The following DENND3 variants were observed in gnomAD, a reference collection of about 807,000 sequenced individuals.
DENND3 encodes the protein DENN domain containing 3.
DENND3 carries 88 observed loss-of-function variants against 135.1 expected under a neutral mutation model. That is an observed-to-expected ratio of 0.65 (90% confidence interval 0.55 to 0.78). DENND3 has a LOEUF of 0.78. DENND3 is among the 30% of genes least tolerant of loss of function. The pLI is 0.00. For missense variants in DENND3, 1,392 were observed against 1,688.4 expected (o/e 0.82, Z 3.08); for synonymous variants, 693 against 712.3 (o/e 0.97, Z 0.43).
chr8:141,171,390 T>C (rs985032366), intron 13 of DENND3, among the ~76,000 whole-genome samples: 1 of 152,202 alleles, frequency 6.6e-6, no homozygotes, highest in Non-Finnish European at 1.5e-5. Context: ...GCCCGTGAGG[T>C]GGCCTTCCCC....
rs181309859 is a variant in DENND3 at position 141,170,434 on chromosome 8, C to T, written c.2275+1909C>T. On this transcript the variant is annotated intron_variant, in intron 13 of 22. Coordinates refer to ENST00000519811, the MANE Select transcript of DENND3 (RefSeq NM_001352890.3). Reference sequence around the variant, plus strand: ...ATGTGTGTATATGTGTGCGAGTGTGCGTGTGTGCGCGCGCTGTACCTCTCC... The same window carrying T: ...ATGTGTGTATATGTGTGCGAGTGTGTGTGTGTGCGCGCGCTGTACCTCTCC... Among the ~76,000 whole-genome samples the T allele has an allele frequency of 3.7e-4, 57 of 152,132 alleles. 1 individual carries two copies. Among genetic ancestry groups the T allele is most frequent in the Admixed American group, 3.5e-3 (53 of 15,272 alleles).
chr8:141,163,978 T>G (rs1230574628), intron 10 of DENND3, among the ~76,000 whole-genome samples: 1 of 152,094 alleles, frequency 6.6e-6, no homozygotes, highest in African/African-American at 2.4e-5. Flanking sequence ...TTTGATGGAT[T>G]TTGACAAATG....
chr8:141,188,201 G>A (rs891069274), intron 18 of DENND3: 2 of 152,298 alleles, frequency 1.3e-5, no homozygotes, highest in African/African-American at 4.8e-5. Flanking sequence ...CTCCAGCCTG[G>A]GTGGCAGAGT....
chr8:141,183,829 G>A (rs896504350), intron 17 of DENND3, among the ~76,000 whole-genome samples: 1 of 151,996 alleles, frequency 6.6e-6, no homozygotes. Context: ...GCTGAAGATG[G>A]CAAAAGCTGT....
At chr8:141,180,652 T>G in intron 16 of DENND3, 95 bp from the exon 17 acceptor site, 1 of 1,177,054 alleles carries the variant, frequency 8.5e-7, no homozygotes, top group South Asian at 1.5e-5. Context: ...ACCTGCAAGC[T>G]GATATTCTGC....
intron 13 of DENND3, among the ~76,000 whole-genome samples, chr8:141,170,182 T>G (rs1235649912): frequency 6.6e-6 from 1 of 152,242 alleles, no homozygotes; most frequent in Admixed American, 6.5e-5. Flanking sequence ...CATTTTTATC[T>G]TGGGCTGCTT....
At chr8:141,193,986 G>T in intron 22 of DENND3, 47 bp from the exon 23 acceptor site, 4 of 1,590,462 alleles carry the variant, frequency 2.5e-6, no homozygotes, top group South Asian at 2.3e-5. Context: ...TGGTGCTCTT[G>T]GGAGGGGCTT....
chr8:141,159,367 C>T (rs1819847423), intron 8 of DENND3, among the ~76,000 whole-genome samples: 1 of 152,214 alleles, frequency 6.6e-6, no homozygotes, highest in South Asian at 2.1e-4. Flanking sequence ...ACTCCCACTC[C>T]CCCTACCATG....
Position 141,168,164 on chromosome 8 carries a change from C to G in DENND3, c.1914C>G (p.Arg638=), listed in dbSNP as rs61732593. ...LAPDNSLLLA[R]YLYLRGLVYL... ...CCGATAACTCTCTGCTCCTGGCCCG[C>G]TATTTGTACCTCCGAGGGCTCGTTT... is the stretch of plus-strand genomic sequence containing the variant. The change falls in exon 13 of 23, where the codon CGC becomes CGG. Residue 638 remains arginine, a synonymous_variant. Coordinates refer to ENST00000519811, the MANE Select transcript of DENND3 (RefSeq NM_001352890.3). This position sits in a 1 kb window ranked among gnomAD's most constrained non-coding sequence, Gnocchi z 6.2. 2.5e-3 allele frequency: 4,106 copies of G among 1,614,198 alleles called. 97 individuals carry two copies. The African/African-American group carries it at 0.05, about 19-fold the overall frequency.
rs1396637140 is a variant in DENND3, at chr8:141,136,733, G to A, written c.327G>A (p.Glu109=). ...GGCCCCCCAGAGCGCCAGAGCCTGA[G>A]GATGTCGCCGTCCCGGGCGGCGTGG... ...LPGPPRAPEP[E]DVAVPGGVDL... The change falls in exon 2 of 23, where the codon GAG becomes GAA. Residue 109 remains glutamate (E), a synonymous_variant. Coordinates refer to ENST00000519811, the MANE Select transcript of DENND3 (RefSeq NM_001352890.3). The A allele has an allele frequency of 2.5e-6, 4 of 1,606,764 alleles. No homozygotes were observed. Among genetic ancestry groups the A allele is most frequent in the Non-Finnish European group, 3.4e-6 (4 of 1,177,022 alleles).
chr8:141,178,671 A>G (rs1201968304), intron 16 of DENND3, among the ~76,000 whole-genome samples: 1 of 152,204 alleles, frequency 6.6e-6, no homozygotes, highest in East Asian at 1.9e-4. Flanking sequence ...TCACCGCTGC[A>G]TGAGTGAGGA....
intron 1 of DENND3, 44 bp from the exon 2 acceptor site, chr8:141,136,465 A>C: frequency 1.1e-5 from 17 of 1,495,560 alleles, no homozygotes; most frequent in African/African-American, 1.4e-5. Flanking sequence ...CCCTCGAACA[A>C]GAGCTGAGGC....
rs149429780 is a variant in DENND3, at chr8:141,159,487, G to A, written c.1197-1145G>A. Among the ~76,000 whole-genome samples the A allele has an allele frequency of 5.9e-3, 900 of 152,304 alleles. 4 individuals carry two copies. Among genetic ancestry groups the A allele is most frequent in the Middle Eastern group, 0.024 (7 of 294 alleles). On this transcript the variant is annotated intron_variant, in intron 8 of 22. Transcript: ENST00000519811. ...TCTCTGCCCGCTCAGTCTGACTGCC[G>A]TGTCTCTCTAGCCCATCGCTGTGAT...
chr8:141,175,140 C>G lies in DENND3; in HGVS notation c.2276-60C>G, dbSNP rs1319927833. 6.4e-7 allele frequency: 1 copy of G among 1,551,790 alleles called. No homozygotes were observed. Among genetic ancestry groups the G allele is most frequent in the African/African-American group, 1.4e-5 (1 of 72,890 alleles). On this transcript the variant is annotated intron_variant, in intron 13 of 22. Coordinates refer to ENST00000519811, the MANE Select transcript of DENND3 (RefSeq NM_001352890.3). The surrounding 1 kb of genome is among the most constrained non-coding windows in gnomAD (Gnocchi z 5.4). ...GGTTTCTTCAGGTCATGGAGAAGCCCTTGGGGCTCCCGAGGTATGTGGCTG... is the reference window on the plus strand; with the variant it reads ...GGTTTCTTCAGGTCATGGAGAAGCCGTTGGGGCTCCCGAGGTATGTGGCTG...
intron 22 of DENND3, chr8:141,193,816 G>C: frequency 1.7e-6 from 1 of 601,214 alleles, no homozygotes; most frequent in Non-Finnish European, 2.9e-6. Flanking sequence ...ACGCAGTGCA[G>C]TCTTCTTCCC....
chr8:141,141,394 GACCA>G lies in DENND3; in HGVS notation c.623+71_623+74del. ...TTGTGCCTCTCCAGGTGAGCCAAGG[GACCA>G]GGGGGCTGGAGGTGGTGGGGGGGCA... On this transcript the variant is annotated intron_variant, in intron 4 of 22. Coordinates refer to ENST00000519811, the MANE Select transcript of DENND3 (RefSeq NM_001352890.3). This position sits in a 1 kb window ranked among gnomAD's most constrained non-coding sequence, Gnocchi z 5.3. The G allele has an allele frequency of 6.4e-7, 1 of 1,562,614 alleles. No homozygotes were observed. The highest frequency in any genetic ancestry group is 8.7e-7 in the Non-Finnish European group (1 of 1,148,850).
chr8:141,179,502 G>A (rs538348195), intron 16 of DENND3, among the ~76,000 whole-genome samples: 5 of 152,306 alleles, frequency 3.3e-5, no homozygotes, highest in African/African-American at 1.2e-4. Flanking sequence ...TTACAAATCC[G>A]GAAACATTTT....
intron 18 of DENND3, among the ~76,000 whole-genome samples, chr8:141,187,348 G>A (rs1160393994): frequency 6.6e-6 from 1 of 151,602 alleles, no homozygotes; most frequent in African/African-American, 2.4e-5. Context: ...TGGACCTCCC[G>A]AGTAGCTGGG....
chr8:141,152,578 T>G (rs1183839224), intron 7 of DENND3, among the ~76,000 whole-genome samples: 1 of 152,212 alleles, frequency 6.6e-6, no homozygotes, highest in African/African-American at 2.4e-5. Context: ...TATTGCTGAC[T>G]AGGGTTTCAT....
Sources: gnomAD v4.1 joint callset for allele counts (sites outside exome capture counted in the v4.1 genomes callset) on GRCh38, gnomAD v4.1.1 for gene constraint, Gnocchi (gnomAD v3.1) non-coding constraint, MANE v1.5 for transcripts, NCBI Gene and HGNC (gene_info 2026-07-23, HGNC 2026-07-21) for gene names.